ZMYM6: variants seen among roughly 807,000 people sequenced by gnomAD.
The protein encoded by ZMYM6 is zinc finger MYM-type protein 6.
In ZMYM6, 90 loss-of-function variants were observed where a neutral mutation model predicts 134.0. The observed-to-expected ratio is 0.67, with a 90% CI of 0.57 to 0.80. The LOEUF (loss-of-function observed/expected upper bound fraction) is 0.80, where lower values mean the gene tolerates loss of function less well. Among genes scored for constraint, ZMYM6 ranks in the 30% least tolerant of loss-of-function variants. The pLI, the probability that ZMYM6 is intolerant of heterozygous loss-of-function variation, is 0.00. For missense variants in ZMYM6, 1,362 were observed against 1,533.9 expected (o/e 0.89, Z 1.87); for synonymous variants, 481 against 524.1 (o/e 0.92, Z 1.12).
At chr1:35,013,450 A>T in intron 6 of ZMYM6, 1 of 983,704 alleles carries the variant, frequency 1.0e-6, no homozygotes, top group Non-Finnish European at 1.2e-6. Flanking sequence ...ACAGAGTACA[A>T]TACTAGTAAC....
In ZMYM6 at chr1:35,008,818, C is replaced by CA; in HGVS notation, c.1598dup (p.Leu533PhefsTer11). On this transcript the variant is annotated frameshift_variant, in exon 11 of 16. Transcript: ENST00000357182. LOFTEE classifies it high-confidence loss of function. ...AACAAAACTCTTCTAACTTGCCCTC[C>CA]AATCGATTTTCTACCAAATTTGGGG... 3 of 1,614,146 alleles carry CA rather than the reference C, an allele frequency of 1.9e-6. No individual in the cohort carries two copies. The highest frequency in any genetic ancestry group is 2.5e-6 in the Non-Finnish European group (3 of 1,180,002).
intron 2 of ZMYM6, among the ~76,000 whole-genome samples, chr1:35,029,705 A>C (rs1641482691): frequency 6.6e-6 from 1 of 152,110 alleles, no homozygotes; most frequent in African/African-American, 2.4e-5. Context: ...TCTGTCTGTA[A>C]TACTCTTCTC....
At position 34,988,316 on chromosome 1, in the gene ZMYM6, T is replaced by C. The variant is rs909208249; in HGVS notation, c.2766A>G (p.Thr922=). 4.5e-6 allele frequency: 7 copies of C among 1,551,134 alleles called. No individual in the cohort carries two copies. In the East Asian group the frequency reaches 1.7e-4, roughly 38 times the overall value. ...IDESSEISNI[T]LLLCYIRFID... is the part of the protein sequence containing the mutation. ...TGAAACGAATATAGCACAAAAGAAG[T>C]GTGATATTTGAGATTTCTGATGACT... The change falls in exon 16 of 16, where the codon ACA becomes ACG. Residue 922 remains threonine (T), a synonymous_variant. Transcript: ENST00000357182.
chr1:35,022,452 CAG>C (rs1261387658), intron 2 of ZMYM6, among the ~76,000 whole-genome samples: 1 of 151,994 alleles, frequency 6.6e-6, no homozygotes, highest in African/African-American at 2.4e-5. Context: ...TTAGTAGAGA[CAG>C]AGTTTCACCA....
chr1:35,020,346 A>G (rs1332162417), intron 3 of ZMYM6, 37 bp downstream of exon 3: 1 of 1,543,330 alleles, frequency 6.5e-7, no homozygotes, highest in Non-Finnish European at 8.8e-7. Context: ...GAATAAGCAA[A>G]TTAATTGTAA....
chr1:35,015,743 A>AAAAATATATATAT, intron 4 of ZMYM6, among the ~76,000 whole-genome samples: 7 of 106,466 alleles, frequency 6.6e-5, no homozygotes, highest in African/African-American at 4.6e-4. Context: ...AAAAAAAAAA[A>AAAAATATATATAT]ATATATATAT....
At position 35,006,970 on chromosome 1, in the gene ZMYM6, G is replaced by T. The variant is rs774159523; in HGVS notation, c.1794C>A (p.Asp598Glu). 2.5e-6 allele frequency: 4 copies of T among 1,610,880 alleles called. No homozygotes were observed. The East Asian group carries it at 8.9e-5, about 36-fold the overall frequency. The change falls in exon 12 of 16, where the codon GAC (aspartate) becomes GAA (glutamate). Residue 598 changes from aspartate to glutamate, a missense_variant. Transcript: ENST00000357182. The part of the protein sequence containing the change: ...LEFCHQQIMN[D>E]CLPQNKVNIS... ...TTTTACCTTTATTTTGTGGAAGACA[G>T]TCATTCATAATTTGCTGATGACAAA...
At chr1:35,017,885 T>G (rs1273273521) in intron 4 of ZMYM6, 1 of 152,218 alleles carries the variant, frequency 6.6e-6, no homozygotes, top group African/African-American at 2.4e-5. Flanking sequence ...TGTTATGTTC[T>G]TTAAAATTAT....
rs569444982 is a variant in ZMYM6 at position 35,013,030 on chromosome 1, T to C, written c.796-449A>G. The C allele has an allele frequency of 1.0e-5, 10 of 959,990 alleles. No homozygotes were observed. The South Asian group carries it at 3.9e-4, about 37-fold the overall frequency. The allele number at this position is 959,990 out of a possible 1,614,324, so 59.5% of individuals were successfully genotyped here. Reference sequence around the variant, plus strand: ...ATTTAATGTATATTAATAGAGATCCTACACAACTACCTATTTTTCAAGCTG... The same window carrying C: ...ATTTAATGTATATTAATAGAGATCCCACACAACTACCTATTTTTCAAGCTG... On this transcript the variant is annotated intron_variant, in intron 6 of 15. Coordinates refer to ENST00000357182, the MANE Select transcript of ZMYM6 (RefSeq NM_007167.4).
At chr1:35,022,997 C>T (rs960639740) in intron 2 of ZMYM6, among the ~76,000 whole-genome samples, 2 of 151,990 alleles carry the variant, frequency 1.3e-5, no homozygotes, top group African/African-American at 4.8e-5. Flanking sequence ...TTACCTAACC[C>T]ATAGGGCCAA....
rs1641035359 is a variant in ZMYM6 at position 35,008,936 on chromosome 1, A to G, written c.1493-12T>C. 1 of 1,599,998 alleles carries G rather than the reference A, an allele frequency of 6.3e-7. No individual in the cohort carries two copies. ...GAGGAATTTGCAAACTGAGGATCAG[A>G]GGGATGAAAGGAAGAAAAATCAAAT... On this transcript the variant is annotated splice_polypyrimidine_tract_variant and intron_variant, in intron 10 of 15. Transcript: ENST00000357182.
intron 3 of ZMYM6, 124 bp downstream of exon 3, chr1:35,020,257 TCA>T (rs948326716): frequency 4.9e-5 from 37 of 758,048 alleles, no homozygotes; most frequent in Admixed American, 8.9e-5. Flanking sequence ...AACCAGCTAC[TCA>T]CAGTTTGAAA....
Position 34,987,890 on chromosome 1 carries a change from T to A in ZMYM6, c.3192A>T (p.Leu1064Phe). 2 of 1,551,686 alleles carry A rather than the reference T, an allele frequency of 1.3e-6. No individual in the cohort carries two copies. Among genetic ancestry groups the A allele is most frequent in the Non-Finnish European group, 1.7e-6 (2 of 1,146,972 alleles). The change falls in exon 16 of 16, where the codon TTA (leucine) becomes TTT (phenylalanine). Residue 1064 changes from leucine to phenylalanine, a missense_variant. Physicochemically the swap from Leu to Phe is conservative, Grantham distance 22 (BLOSUM62 0). This residue lies in a region of ZMYM6 where 824 missense variants were observed against 940.9 expected (regional missense o/e 0.88). Transcript: ENST00000357182. ...TCCAACGTACTTCAGCATGAAGCGGTAAACTCACATGCTCAGATCCCATCT... is the reference window on the plus strand; with the variant it reads ...TCCAACGTACTTCAGCATGAAGCGGAAAACTCACATGCTCAGATCCCATCT... ...CEEMGSEHVS[L>F]PLHAEVRWIS...
At chr1:35,021,274 G>A (rs1641304454) in intron 2 of ZMYM6, among the ~76,000 whole-genome samples, 1 of 151,556 alleles carries the variant, frequency 6.6e-6, no homozygotes, top group African/African-American at 2.4e-5. Context: ...CCAAGTAGCT[G>A]GGAATACAGG....
At chr1:35,013,315 A>C in intron 6 of ZMYM6, 1 of 940,334 alleles carries the variant, frequency 1.1e-6, no homozygotes, top group Non-Finnish European at 1.3e-6. Context: ...TCAGGCTCCA[A>C]AGTTCAGGCT....
chr1:34,998,282 A>G (rs562205458), intron 14 of ZMYM6, among the ~76,000 whole-genome samples: 1 of 152,190 alleles, frequency 6.6e-6, no homozygotes, highest in African/African-American at 2.4e-5. Flanking sequence ...AAATATATAT[A>G]TATGTTTGGA....
intron 3 of ZMYM6, 60 bp from the exon 4 acceptor site, chr1:35,019,662 C>G: frequency 2.1e-6 from 2 of 967,154 alleles, no homozygotes; most frequent in Non-Finnish European, 2.8e-6. Flanking sequence ...CAGTCTCAGT[C>G]TCTCTCTCTC....
intron 6 of ZMYM6, chr1:35,013,160 T>C: frequency 1.3e-6 from 1 of 791,106 alleles, no homozygotes; most frequent in Non-Finnish European, 1.5e-6. Flanking sequence ...ATGCTTACCA[T>C]GAGTCAGGCC....
chr1:34,997,737 C>T lies in ZMYM6; in HGVS notation c.1993-5350G>A, dbSNP rs1398567053. Among the ~76,000 whole-genome samples, 21 of 151,898 alleles carry T rather than the reference C, an allele frequency of 1.4e-4. 1 individual carries two copies. The highest frequency in any genetic ancestry group is 2.9e-5 in the Non-Finnish European group (2 of 67,988). On this transcript the variant is annotated intron_variant, in intron 14 of 15. Transcript: ENST00000357182. Reference sequence around the variant, plus strand: ...TCCCCATTGATTCTTTTATGGCTTCCGGGTTTTGTGACATATTTAGAAAGA... The same window carrying T: ...TCCCCATTGATTCTTTTATGGCTTCTGGGTTTTGTGACATATTTAGAAAGA...
Sources: gnomAD v4.1 joint callset for allele counts (sites outside exome capture counted in the v4.1 genomes callset) on GRCh38, gnomAD v4.1.1 for gene constraint, gnomAD v4.1.1 regional missense constraint, MANE v1.5 for transcripts, NCBI Gene and HGNC (gene_info 2026-07-23, HGNC 2026-07-21) for gene names.